ZNF267: variants seen among roughly 807,000 people sequenced by gnomAD.
ZNF267 encodes zinc finger (C2H2).
ZNF267 carries 61 observed loss-of-function variants against 71.6 expected under a neutral mutation model. That is an observed-to-expected ratio of 0.85 (90% confidence interval 0.69 to 1.05). The LOEUF (loss-of-function observed/expected upper bound fraction) is 1.05, where lower values mean the gene tolerates loss of function less well. Ranked by LOEUF, ZNF267 falls within the 50% of genes least tolerant of loss-of-function variation. The pLI is 0.00. For missense variants in ZNF267, 852 were observed against 870.0 expected (o/e 0.98, Z 0.26); for synonymous variants, 288 against 293.2 (o/e 0.98, Z 0.18).
chr16:31,876,137 G>C (rs551079893), intron 1 of ZNF267, among the ~76,000 whole-genome samples: 1 of 152,282 alleles, frequency 6.6e-6, no homozygotes, highest in Admixed American at 6.5e-5. Context: ...CAAAACATCA[G>C]TTTCTTTTTT....
chr16:31,894,570 CT>C, intron 3 of ZNF267: 2 of 498,678 alleles, frequency 4.0e-6, no homozygotes, highest in Non-Finnish European at 8.0e-6. Context: ...GCGCTCTCAC[CT>C]TTTCATCCAG....
At chr16:31,909,125 T>C (rs1429250404) in intron 3 of ZNF267, among the ~76,000 whole-genome samples, 51 of 122,344 alleles carry the variant, frequency 4.2e-4, no homozygotes, top group Admixed American at 8.4e-4. Flanking sequence ...CTTTTCTTTT[T>C]TTTTTTTTTT....
intron 3 of ZNF267, among the ~76,000 whole-genome samples, chr16:31,904,534 T>C (rs543094979): frequency 7.2e-5 from 11 of 152,236 alleles, no homozygotes; most frequent in Non-Finnish European, 1.3e-4. Flanking sequence ...CCTTTACCAT[T>C]ATGTAATGGC....
Position 31,880,277 on chromosome 16 carries a change from C to T in ZNF267, c.4-4221C>T, listed in dbSNP as rs148908634. On this transcript the variant is annotated intron_variant, in intron 1 of 3. Transcript: ENST00000300870. ...GCTACAGCAGTTCTGTGAGTGGTTC[C>T]TTTTTATAAACAGAATCTCGTGGCA... 2.7e-4 allele frequency among the ~76,000 whole-genome samples: 41 copies of T among 152,264 alleles called. No homozygotes were observed. The East Asian group carries it at 7.7e-3, about 29-fold the overall frequency.
intron 3 of ZNF267, among the ~76,000 whole-genome samples, chr16:31,907,551 C>G (rs1310696923): frequency 6.6e-6 from 1 of 152,120 alleles, no homozygotes; most frequent in Non-Finnish European, 1.5e-5. Context: ...TCATTTTCAT[C>G]ATCCATTTTC....
intron 3 of ZNF267, among the ~76,000 whole-genome samples, chr16:31,903,851 C>T (rs1416652415): frequency 1.3e-5 from 2 of 152,092 alleles, no homozygotes; most frequent in African/African-American, 2.4e-5. Flanking sequence ...TTTGCTCTTG[C>T]TTCTCTAGTT....
chr16:31,911,543 T>G (rs1342411644), intron 3 of ZNF267, among the ~76,000 whole-genome samples: 1 of 151,658 alleles, frequency 6.6e-6, no homozygotes, highest in Non-Finnish European at 1.5e-5. Flanking sequence ...TTTTTCAGTC[T>G]ATGTGTATCT....
At chr16:31,880,905 C>T (rs1293158363) in intron 1 of ZNF267, among the ~76,000 whole-genome samples, 1 of 152,100 alleles carries the variant, frequency 6.6e-6, no homozygotes, top group African/African-American at 2.4e-5. Context: ...AACTTTCAGT[C>T]TAAAGCAGAC....
chr16:31,902,990 G>C (rs900115976), intron 3 of ZNF267, among the ~76,000 whole-genome samples: 14 of 152,146 alleles, frequency 9.2e-5, no homozygotes, highest in African/African-American at 3.1e-4. Flanking sequence ...AGAGTTTTTA[G>C]CATGAAGCGT....
rs1026173350 is a variant in ZNF267 at position 31,874,689 on chromosome 16, G to T, written c.3+720G>T. On this transcript the variant is annotated intron_variant, in intron 1 of 3. Coordinates refer to ENST00000300870, the MANE Select transcript of ZNF267 (RefSeq NM_003414.6). ...AACCTGGGGCACTATAACCACTTCCGTATAATCGCCTGCTCATTAATCATC... is the reference window on the plus strand; with the variant it reads ...AACCTGGGGCACTATAACCACTTCCTTATAATCGCCTGCTCATTAATCATC... Among the ~76,000 whole-genome samples the T allele has an allele frequency of 7.2e-5, 11 of 152,186 alleles. No homozygotes were observed. In the East Asian group the frequency reaches 1.9e-3, roughly 27 times the overall value.
Position 31,916,479 on chromosome 16 carries a change from T to C in ZNF267, c.2230T>C (p.Ter744GlnextTer31). The change falls in exon 4 of 4, where the codon TAA becomes CAA. Residue 744 changes from the stop codon to glutamine (Q), a stop_lost. Coordinates refer to ENST00000300870, the MANE Select transcript of ZNF267 (RefSeq NM_003414.6). ...HQRSHTREKL[*>Q] ...GAGAAGTCATACTAGAGAAAAACTTTAAAAATGTAAAACATGGAGCAGATT... is the reference window on the plus strand; with the variant it reads ...GAGAAGTCATACTAGAGAAAAACTTCAAAAATGTAAAACATGGAGCAGATT... 1 of 1,603,210 alleles carries C rather than the reference T, an allele frequency of 6.2e-7. No individual in the cohort carries two copies. The highest frequency in any genetic ancestry group is 1.1e-5 in the South Asian group (1 of 89,602).
chr16:31,893,554 A>G (rs1338479976), intron 3 of ZNF267, among the ~76,000 whole-genome samples: 1 of 152,184 alleles, frequency 6.6e-6, no homozygotes, highest in African/African-American at 2.4e-5. Flanking sequence ...TCCCTTATAA[A>G]ACTGAATACC....
chr16:31,903,181 C>T (rs865982670), intron 3 of ZNF267, among the ~76,000 whole-genome samples: 7 of 152,198 alleles, frequency 4.6e-5, no homozygotes, highest in Admixed American at 1.3e-4. Flanking sequence ...TTGCTGGATT[C>T]GGTTTACCAG....
chr16:31,902,151 A>C (rs1013493220), intron 3 of ZNF267, among the ~76,000 whole-genome samples: 3 of 152,066 alleles, frequency 2.0e-5, no homozygotes, highest in African/African-American at 7.2e-5. Flanking sequence ...CCACTGGTCT[A>C]TATCTCTGTT....
Position 31,914,576 on chromosome 16 carries a change from G to T in ZNF267, c.327G>T (p.Glu109Asp). 4.3e-6 allele frequency: 7 copies of T among 1,614,100 alleles called. No homozygotes were observed. Among genetic ancestry groups the T allele is most frequent in the Non-Finnish European group, 4.2e-6 (5 of 1,180,010 alleles). The change falls in exon 4 of 4, where the codon GAG (glutamate) becomes GAT (aspartate). Residue 109 changes from glutamate (E) to aspartate (D), a missense_variant. Transcript: ENST00000300870. Reference protein sequence around the residue: ...ISRRHGSCDLENLHLRKRWKR... With the variant: ...ISRRHGSCDLDNLHLRKRWKR... ...GGAGACATGGGAGCTGTGATCTTGA[G>T]AATTTACATTTAAGAAAAAGGTGGA...
chr16:31,905,729 G>A (rs1470150385), intron 3 of ZNF267, among the ~76,000 whole-genome samples: 2 of 152,010 alleles, frequency 1.3e-5, no homozygotes, highest in African/African-American at 2.4e-5. Context: ...CCATGGGTTC[G>A]AACTTCCTCG....
rs1390183140 is a variant in ZNF267, at chr16:31,916,249, A to G, written c.2000A>G (p.Lys667Arg). ...ERPYKCEECG[K>R]AFNSRSYLTT... ...CCCTACAAATGTGAAGAATGTGGCA[A>G]AGCCTTCAACTCTAGGTCATACCTC... Residue 667 changes from lysine (K) to arginine (R), a missense_variant, in exon 4 of 4, where the codon AAA becomes AGA. Transcript: ENST00000300870. 1.2e-6 allele frequency: 2 copies of G among 1,613,928 alleles called. No homozygotes were observed. Among genetic ancestry groups the G allele is most frequent in the Non-Finnish European group, 1.7e-6 (2 of 1,179,998 alleles).
chr16:31,907,807 C>A (rs1328293284), intron 3 of ZNF267, among the ~76,000 whole-genome samples: 1 of 151,152 alleles, frequency 6.6e-6, no homozygotes, highest in Non-Finnish European at 1.5e-5. Flanking sequence ...GAGGCCGAGG[C>A]GGGTGGATCA....
chr16:31,887,251 CTTTT>C (rs760504639), intron 3 of ZNF267, among the ~76,000 whole-genome samples: 2 of 130,050 alleles, frequency 1.5e-5, no homozygotes, highest in African/African-American at 2.8e-5. Context: ...GTCAGATTTA[CTTTT>C]TTTTTTTTTT....
Sources: gnomAD v4.1 joint callset for allele counts (sites outside exome capture counted in the v4.1 genomes callset) on GRCh38, gnomAD v4.1.1 for gene constraint, MANE v1.5 for transcripts, NCBI Gene and HGNC (gene_info 2026-07-23, HGNC 2026-07-21) for gene names.